Variants in VPS13A observed in about 807,000 individuals in gnomAD.
The protein encoded by VPS13A is intermembrane lipid transfer protein VPS13A.
A neutral mutation model predicts 390.9 loss-of-function variants in VPS13A; 264 were observed. That is an observed-to-expected ratio of 0.68 (90% CI 0.61 to 0.75). The LOEUF is 0.75. VPS13A is among the 30% of genes least tolerant of loss of function. VPS13A has a pLI of 0.00. For synonymous variants in VPS13A, 1,231 were observed against 1,227.1 expected, an observed-to-expected ratio of 1.00 and a Z score of -0.07; for missense variants, 3,409 against 3,733.9, an observed-to-expected ratio of 0.91 and a Z score of 2.27.
intron 68 of VPS13A, among the ~76,000 whole-genome samples, chr9:77,401,176 A>ATGTC (rs1488610956): frequency 1.3e-5 from 2 of 152,172 alleles, no homozygotes; most frequent in Admixed American, 6.5e-5. Context: ...AATTGCATTA[A>ATGTC]TGTCTTCCAG....
intron 23 of VPS13A, among the ~76,000 whole-genome samples, chr9:77,263,145 C>T (rs1301321025): frequency 1.4e-5 from 2 of 145,504 alleles, no homozygotes; most frequent in African/African-American, 2.5e-5. Flanking sequence ...CTCGCTTTGT[C>T]GCCCAGCCTG....
chr9:77,207,233 A>ACG (rs1825701216), intron 5 of VPS13A, among the ~76,000 whole-genome samples: 2 of 106,808 alleles, frequency 1.9e-5, no homozygotes, highest in Admixed American at 1.1e-4. Context: ...ATATATATAT[A>ACG]TATATATATA....
intron 37 of VPS13A, 49 bp downstream of exon 37, chr9:77,314,713 A>G (rs1260259846): frequency 1.3e-6 from 2 of 1,570,046 alleles, no homozygotes; most frequent in African/African-American, 1.4e-5. Context: ...AATCGTTGAT[A>G]TATTTTACAG....
At chr9:77,412,445 C>G (rs1034057107) in intron 71 of VPS13A, among the ~76,000 whole-genome samples, 2 of 152,140 alleles carry the variant, frequency 1.3e-5, no homozygotes, top group African/African-American at 2.4e-5. Flanking sequence ...TCAACATATG[C>G]AAATCAATAA....
chr9:77,387,864 A>G (rs1456536188), intron 68 of VPS13A, among the ~76,000 whole-genome samples: 6 of 144,478 alleles, frequency 4.2e-5, no homozygotes, highest in South Asian at 2.4e-4. Flanking sequence ...TATGACATCA[A>G]TATTCAATGT....
chr9:77,287,216 A>G (rs552842558), intron 31 of VPS13A, among the ~76,000 whole-genome samples: 75 of 147,444 alleles, frequency 5.1e-4, no homozygotes, highest in African/African-American at 1.8e-3. Context: ...TTTTATATAT[A>G]CATAAAATTC....
Position 77,184,543 on chromosome 9 carries a change from T to C in VPS13A, c.100+6739T>C, listed in dbSNP as rs575782458. 5.3e-5 allele frequency among the ~76,000 whole-genome samples: 8 copies of C among 152,216 alleles called. No homozygotes were observed. The South Asian group carries it at 1.5e-3, about 28-fold the overall frequency. ...CTGAGACACGAGAATCGCTTGAACATGGGAGGCGGAGGTTGCAGTGAGCCG... is the reference window on the plus strand; with the variant it reads ...CTGAGACACGAGAATCGCTTGAACACGGGAGGCGGAGGTTGCAGTGAGCCG... On this transcript the variant is annotated intron_variant, in intron 1 of 71. Transcript: ENST00000360280.
chr9:77,316,597 C>T (rs1459678196), intron 39 of VPS13A, among the ~76,000 whole-genome samples, 191 bp downstream of exon 39: 2 of 152,018 alleles, frequency 1.3e-5, no homozygotes. Context: ...AGATGCTGCT[C>T]ATTATTGTTA....
intron 57 of VPS13A, among the ~76,000 whole-genome samples, chr9:77,358,963 T>C (rs1427116175): frequency 1.3e-5 from 2 of 152,138 alleles, no homozygotes; most frequent in Non-Finnish European, 2.9e-5. Context: ...TTCTAAACTA[T>C]CCTGGGGGGA....
intron 23 of VPS13A, among the ~76,000 whole-genome samples, chr9:77,271,321 A>G (rs1029788604): frequency 6.6e-6 from 1 of 152,240 alleles, no homozygotes; most frequent in African/African-American, 2.4e-5. Context: ...AGGTGTTGCC[A>G]TGACAAGGAT....
rs529277992 is a variant in VPS13A at position 77,375,191 on chromosome 9, G to A, written c.9077+4042G>A. On this transcript the variant is annotated intron_variant, in intron 67 of 71. Coordinates refer to ENST00000360280, the MANE Select transcript of VPS13A (RefSeq NM_033305.3). ...TGTTTATCTAAAACCTTATAATTCT[G>A]TACCCAGGTATATTACCTTTAGGGA... Among the ~76,000 whole-genome samples, 6 of 152,168 alleles carry A rather than the reference G, an allele frequency of 3.9e-5. No homozygotes were observed. In the East Asian group the frequency reaches 1.2e-3, roughly 29 times the overall value.
chr9:77,197,911 CAA>C (rs1234821858), intron 1 of VPS13A, among the ~76,000 whole-genome samples: 6 of 152,070 alleles, frequency 3.9e-5, no homozygotes, highest in Non-Finnish European at 5.9e-5. Context: ...TGCTGATCAG[CAA>C]TAATTTTCTC....
At chr9:77,303,637 A>G (rs571772016) in intron 34 of VPS13A, among the ~76,000 whole-genome samples, 20 of 152,304 alleles carry the variant, frequency 1.3e-4, no homozygotes, top group Admixed American at 5.9e-4. Flanking sequence ...GCAAAAAGGA[A>G]TGTAGTAGGA....
chr9:77,393,303 A>C (rs925462630), intron 68 of VPS13A, among the ~76,000 whole-genome samples: 3 of 152,218 alleles, frequency 2.0e-5, no homozygotes, highest in Non-Finnish European at 4.4e-5. Context: ...CCATATCTGC[A>C]ATTACTTCCT....
chr9:77,356,655 TTAAAA>T (rs1345521381), intron 54 of VPS13A, 54 bp from the exon 55 acceptor site: 25 of 1,526,572 alleles, frequency 1.6e-5, no homozygotes, highest in Non-Finnish European at 2.2e-5. Flanking sequence ...AATAAACCAG[TTAAAA>T]TAAATGTTAA....
chr9:77,201,307 T>G, intron 2 of VPS13A, 58 bp from the exon 3 acceptor site: 1 of 1,224,572 alleles, frequency 8.2e-7, no homozygotes, highest in South Asian at 1.3e-5. Flanking sequence ...AGTATTCATT[T>G]ATGTTGTTAA....
At chr9:77,244,359 C>T (rs1008412754) in intron 19 of VPS13A, among the ~76,000 whole-genome samples, 3 of 152,132 alleles carry the variant, frequency 2.0e-5, no homozygotes, top group African/African-American at 7.2e-5. Flanking sequence ...GGAGAAGGAA[C>T]CTCTGTGAGT....
intron 52 of VPS13A, among the ~76,000 whole-genome samples, chr9:77,350,319 A>G (rs1831383093): frequency 6.6e-6 from 1 of 152,104 alleles, no homozygotes; most frequent in African/African-American, 2.4e-5. Flanking sequence ...TGGTATTTGC[A>G]TTGATTTTAA....
rs890326100 is a variant in VPS13A, at chr9:77,221,661, C to T, written c.1161+305C>T. Among the ~76,000 whole-genome samples the T allele has an allele frequency of 2.6e-5, 4 of 152,160 alleles. No individual in the cohort carries two copies. The East Asian group carries it at 7.7e-4, about 29-fold the overall frequency. On this transcript the variant is annotated intron_variant, in intron 13 of 71. Coordinates refer to ENST00000360280, the MANE Select transcript of VPS13A (RefSeq NM_033305.3). ...ATAGTGTTTGCTACATTGATTCCAA[C>T]TTCTCTGTGTTGGTTTCAAAGCCTT...
Sources: allele counts gnomAD v4.1 joint callset (sites outside exome capture counted in the v4.1 genomes callset), GRCh38; gene constraint gnomAD v4.1.1; transcripts MANE v1.5; gene names NCBI Gene and HGNC (gene_info 2026-07-23, HGNC 2026-07-21).